Variants in CERKL observed in about 807,000 individuals in gnomAD.
CERKL encodes ceramide kinase-like protein.
A neutral mutation model predicts 63.4 loss-of-function variants in CERKL; 61 were observed. The ratio of observed to expected loss-of-function variants is 0.96; its 90% CI spans 0.78 to 1.19. CERKL has a LOEUF of 1.19. Ranked by LOEUF, CERKL falls within the 50% of genes most tolerant of loss-of-function variation. The pLI, the probability that CERKL is intolerant of heterozygous loss-of-function variation, is 0.00. For missense variants in CERKL, 675 were observed against 655.5 expected (o/e 1.03, Z -0.33); for synonymous variants, 250 against 230.5 (o/e 1.08, Z -0.77).
rs1360165835 is a variant in CERKL, at chr2:181,539,348, A to T, written c.1366-84T>A. ...CAAAGTTCACTGAGCCCTCTCTCAC[A>T]AGTAAATATCAGCATGTATGCTGAC... On this transcript the variant is annotated intron_variant, in intron 11 of 12. Transcript: ENST00000410087. 3.5e-5 allele frequency: 30 copies of T among 867,610 alleles called. 1 individual carries two copies. The highest frequency in any genetic ancestry group is 4.6e-5 in the Non-Finnish European group (24 of 522,126). 53.7% of individuals were successfully genotyped at this position (867,610 alleles called of 1,614,324 possible). A position where few individuals can be genotyped will look rare whatever the true frequency, so the allele number is the denominator to read the frequency against.
chr2:181,645,721 T>C (rs572623715), intron 1 of CERKL, among the ~76,000 whole-genome samples: 83 of 152,374 alleles, frequency 5.4e-4, no homozygotes, highest in African/African-American at 1.8e-3. Flanking sequence ...TGGTATCACC[T>C]GCCCAATGAT....
At chr2:181,570,901 A>G (rs1381656906) in intron 3 of CERKL, among the ~76,000 whole-genome samples, 3 of 152,120 alleles carry the variant, frequency 2.0e-5, no homozygotes, top group Non-Finnish European at 2.9e-5. Flanking sequence ...GGACTCACCC[A>G]TTCACACAAG....
Position 181,550,743 on chromosome 2 carries a change from A to G in CERKL, c.821-1035T>C, listed in dbSNP as rs1687948723. On this transcript the variant is annotated intron_variant, in intron 5 of 12. Coordinates refer to ENST00000410087, the MANE Select transcript of CERKL (RefSeq NM_201548.5). This position sits in a 1 kb window ranked among gnomAD's most constrained non-coding sequence, Gnocchi z 4.5. ...TTGGGTTGCTAAATTGGAGAAGCTG[A>G]GGCAGCTTAGCCATTATCAACCAAG... Among the ~76,000 whole-genome samples, 1 of 152,206 alleles carries G rather than the reference A, an allele frequency of 6.6e-6. No homozygotes were observed. The highest frequency in any genetic ancestry group is 6.6e-5 in the Admixed American group (1 of 15,252).
At chr2:181,586,818 C>T (rs1574474123) in intron 2 of CERKL, among the ~76,000 whole-genome samples, 1 of 152,174 alleles carries the variant, frequency 6.6e-6, no homozygotes, top group East Asian at 1.9e-4. Flanking sequence ...GACGCCACTC[C>T]CAGACTCACA....
At chr2:181,539,749 G>A (rs1321832132) in intron 11 of CERKL, among the ~76,000 whole-genome samples, 1 of 152,128 alleles carries the variant, frequency 6.6e-6, no homozygotes. Context: ...ATCAAATATG[G>A]ATTTTAAAAG....
At chr2:181,542,891 T>C (rs1269389646) in intron 11 of CERKL, among the ~76,000 whole-genome samples, 2 of 149,452 alleles carry the variant, frequency 1.3e-5, no homozygotes, top group African/African-American at 4.9e-5. Flanking sequence ...AGAAGAAAGG[T>C]ATATTGATTT....
intron 1 of CERKL, among the ~76,000 whole-genome samples, 160 bp downstream of exon 1, chr2:181,656,609 G>A (rs958486674): frequency 2.0e-5 from 3 of 152,062 alleles, no homozygotes; most frequent in African/African-American, 4.8e-5. Context: ...AGGAGGCGGC[G>A]ACTTGGGGAC....
intron 10 of CERKL, among the ~76,000 whole-genome samples, chr2:181,547,019 G>A (rs1311891848): frequency 1.3e-5 from 2 of 152,122 alleles, no homozygotes; most frequent in Non-Finnish European, 2.9e-5. Flanking sequence ...TAAGTCTCAT[G>A]AGATCTAATG....
At position 181,552,116 on chromosome 2, in the gene CERKL, C is replaced by T. The variant is rs142396509; in HGVS notation, c.821-2408G>A. On this transcript the variant is annotated intron_variant, in intron 5 of 12. Transcript: ENST00000410087. ...TCTGAAAAACTTAAACTCATAAAAG[C>T]GAAGAGTAAAATAGTGGTTACTGGG... Among the ~76,000 whole-genome samples, 682 of 151,994 alleles carry T rather than the reference C, an allele frequency of 4.5e-3. 3 individuals carry two copies. The highest frequency in any genetic ancestry group is 0.013 in the African/African-American group (536 of 41,446).
intron 1 of CERKL, among the ~76,000 whole-genome samples, chr2:181,611,070 A>G (rs1451586752): frequency 6.6e-6 from 1 of 152,016 alleles, no homozygotes; most frequent in African/African-American, 2.4e-5. Flanking sequence ...TAAAAATACA[A>G]AAATGAGCCA....
rs1452490533 is a variant in CERKL, at chr2:181,656,791, G to A, written c.216C>T (p.Pro72=). 1.9e-6 allele frequency: 3 copies of A among 1,596,884 alleles called. No homozygotes were observed. The highest frequency in any genetic ancestry group is 1.7e-5 in the Admixed American group (1 of 59,190). The change falls in exon 1 of 13, where the codon CCC becomes CCT. Residue 72 remains proline, a synonymous_variant. Transcript: ENST00000410087. The part of the protein sequence containing the change: ...VLSERALRWR[P]IQPERPAGDS... The stretch of plus-strand genomic sequence containing the variant: ...CACCCGCCGGGCGCTCGGGCTGAAT[G>A]GGCCGCCACCGCAGTGCTCGCTCGC...
In CERKL at chr2:181,603,881, T is replaced by A; in HGVS notation, c.437A>T (p.Asp146Val). 6.2e-7 allele frequency: 1 copy of A among 1,613,240 alleles called. No individual in the cohort carries two copies. The highest frequency in any genetic ancestry group is 8.5e-7 in the Non-Finnish European group (1 of 1,179,418). Residue 146 changes from aspartate (D) to valine (V), a missense_variant, in exon 2 of 13, where the codon GAC becomes GTC. By Grantham distance (152) the Asp-to-Val change is radical. Coordinates refer to ENST00000410087, the MANE Select transcript of CERKL (RefSeq NM_201548.5). ...CTGTCTAAACCATATGTCACAGTGG[T>A]CTTCACTTAAATTAATAAGATCAAG... ...STLDLINLSE[D>V]HCDIWFRQFK...
intron 11 of CERKL, among the ~76,000 whole-genome samples, chr2:181,543,583 G>C (rs897657049): frequency 5.3e-5 from 8 of 152,184 alleles, no homozygotes; most frequent in African/African-American, 1.9e-4. Flanking sequence ...GACTTGCTAT[G>C]GCTAAGGTAC....
intron 1 of CERKL, among the ~76,000 whole-genome samples, chr2:181,653,629 G>A (rs1288617768): frequency 6.6e-6 from 1 of 152,220 alleles, no homozygotes; most frequent in Admixed American, 6.5e-5. Flanking sequence ...ATCGTGTTAA[G>A]AGAAGTAACC....
In CERKL at chr2:181,537,642, A is replaced by AAATG. The variant is rs1376186936; in HGVS notation, c.*538_*541dup. 2.3e-6 allele frequency: 1 copy of AAATG among 435,204 alleles called. No individual in the cohort carries two copies. Among genetic ancestry groups the AAATG allele is most frequent in the Admixed American group, 2.6e-5 (1 of 38,242 alleles). 27.0% of individuals were successfully genotyped at this position (435,204 alleles called of 1,614,324 possible). On this transcript the variant is annotated 3_prime_UTR_variant, in exon 13 of 13. Coordinates refer to ENST00000410087, the MANE Select transcript of CERKL (RefSeq NM_201548.5). Reference sequence around the variant, plus strand: ...ATAATTGATGAGCTCAAATCCTGAAAAATGAAAGAATCCAAATTATTTCAG... The same window carrying AAATG: ...ATAATTGATGAGCTCAAATCCTGAAAAATGAATGAAAGAATCCAAATTATTTCAG...
intron 2 of CERKL, among the ~76,000 whole-genome samples, chr2:181,589,042 C>T (rs1213338243): frequency 6.6e-6 from 1 of 152,156 alleles, no homozygotes; most frequent in East Asian, 1.9e-4. Context: ...TGTCTCTTCA[C>T]TCAACTGACT....
chr2:181,574,609 G>A lies in CERKL; in HGVS notation c.482-725C>T, dbSNP rs1689044208. 3.9e-5 allele frequency among the ~76,000 whole-genome samples: 6 copies of A among 152,268 alleles called. No individual in the cohort carries two copies. In the Middle Eastern group the frequency reaches 0.017, roughly 432 times the overall value. On this transcript the variant is annotated intron_variant, in intron 2 of 12. Coordinates refer to ENST00000410087, the MANE Select transcript of CERKL (RefSeq NM_201548.5). Reference sequence around the variant, plus strand: ...ATGCTTATCTCTTCGAACCCAGTTGGAGCAGGTGCAAAGCAAATTTTCTGT... The same window carrying A: ...ATGCTTATCTCTTCGAACCCAGTTGAAGCAGGTGCAAAGCAAATTTTCTGT...
In CERKL at chr2:181,573,861, A is replaced by G; in HGVS notation, c.505T>C (p.Leu169=). 1 of 1,612,876 alleles carries G rather than the reference A, an allele frequency of 6.2e-7. No individual in the cohort carries two copies. Among genetic ancestry groups the G allele is most frequent in the Non-Finnish European group, 8.5e-7 (1 of 1,179,376 alleles). ...CTTTGGGGGTTAAGGAGTATTTTTA[A>G]TGACTTCGGTCTGTTTGGAAAGCCT... ...LAGFPNRPKS[L]KILLNPQSHK... is the part of the protein sequence containing the mutation. The change falls in exon 3 of 13, where the codon TTA becomes CTA. Residue 169 remains leucine, a synonymous_variant. Transcript: ENST00000410087.
intron 5 of CERKL, among the ~76,000 whole-genome samples, chr2:181,551,338 C>A (rs1255927266): frequency 6.6e-6 from 1 of 151,836 alleles, no homozygotes; most frequent in Non-Finnish European, 1.5e-5. Flanking sequence ...AGAAAACAAT[C>A]CCTGCACAGC....
Sources: allele counts gnomAD v4.1 joint callset (sites outside exome capture counted in the v4.1 genomes callset), GRCh38; gene constraint gnomAD v4.1.1; non-coding constraint Gnocchi (gnomAD v3.1); transcripts MANE v1.5; gene names NCBI Gene and HGNC (gene_info 2026-07-23, HGNC 2026-07-21).